Variants in BACH1 observed in about 807,000 individuals in gnomAD.
The protein encoded by BACH1 is transcription regulator protein BACH1.
A neutral mutation model predicts 52.9 loss-of-function variants in BACH1; 35 were observed. The ratio of observed to expected loss-of-function variants is 0.66; its 90% CI spans 0.51 to 0.88. BACH1 has a LOEUF of 0.88. BACH1 is among the 40% of genes least tolerant of loss of function. The pLI is 0.00. For missense variants in BACH1, 808 were observed against 872.6 expected (o/e 0.93, Z 0.93); for synonymous variants, 321 against 319.6 (o/e 1.00, Z -0.05).
intron 1 of BACH1, among the ~76,000 whole-genome samples, chr21:29,309,842 C>G (rs934242795): frequency 2.0e-5 from 3 of 152,194 alleles, no homozygotes; most frequent in African/African-American, 7.2e-5. Flanking sequence ...CCTAATAATT[C>G]TGTGTGTTTA....
chr21:29,339,514 G>C (rs1255916825), intron 4 of BACH1, among the ~76,000 whole-genome samples: 1 of 151,204 alleles, frequency 6.6e-6, no homozygotes, highest in African/African-American at 2.4e-5. Flanking sequence ...TTGTACTTTT[G>C]GTGCCAAATT....
rs2088926649 is a variant in BACH1, at chr21:29,327,401, G to A, written c.1569+8G>A. 1.9e-6 allele frequency: 3 copies of A among 1,606,610 alleles called. No homozygotes were observed. Among genetic ancestry groups the A allele is most frequent in the Non-Finnish European group, 2.6e-6 (3 of 1,176,134 alleles). On this transcript the variant is annotated splice_region_variant and intron_variant, in intron 3 of 4. Transcript: ENST00000286800. The stretch of plus-strand genomic sequence containing the variant: ...AGAGAACAAGAATGTGAGGTGAGCA[G>A]GAATATGTTCTTAATTCATTGTTTT...
At chr21:29,334,933 C>A (rs987615265) in intron 4 of BACH1, among the ~76,000 whole-genome samples, 1 of 152,276 alleles carries the variant, frequency 6.6e-6, no homozygotes, top group South Asian at 2.1e-4. Context: ...TCTGTCATTC[C>A]GTGTTGTCGT....
chr21:29,326,242 T>A lies in BACH1; in HGVS notation c.418T>A (p.Cys140Ser), dbSNP rs1191748939. 1 of 1,614,004 alleles carries A rather than the reference T, an allele frequency of 6.2e-7. No homozygotes were observed. Among genetic ancestry groups the A allele is most frequent in the East Asian group, 2.2e-5 (1 of 44,886 alleles). The change falls in exon 3 of 5, where the codon TGC becomes AGC. Residue 140 changes from cysteine to serine, a missense_variant. Physicochemically the swap from Cys to Ser is moderately radical, Grantham distance 112. Transcript: ENST00000286800. ...FLDSTADQQE[C>S]PRKKCFSSHC... ...GGACTCCACTGCAGACCAGCAAGAA[T>A]GCCCAAGAAAAAAATGCTTTTCATC...
intron 2 of BACH1, among the ~76,000 whole-genome samples, chr21:29,353,382 C>G (rs957267926): frequency 4.0e-5 from 6 of 151,580 alleles, no homozygotes; most frequent in African/African-American, 1.4e-4. Context: ...AATAAGCTTT[C>G]ATCGTCTTGT....
Position 29,345,992 on chromosome 21 carries a change from T to TTA in BACH1, c.*3160_*3161dup, listed in dbSNP as rs2089165231. ...ACCACTAAACTTTTGTGTCCATATT[T>TTA]TACTGAGACCATGTTTCATTAAAAG... On this transcript the variant is annotated 3_prime_UTR_variant, in exon 5 of 5. Transcript: ENST00000286800. 1 of 152,648 alleles carries TTA rather than the reference T, an allele frequency of 6.6e-6. No individual in the cohort carries two copies. The highest frequency in any genetic ancestry group is 2.1e-4 in the South Asian group (1 of 4,832). 9.5% of individuals were successfully genotyped at this position (152,648 alleles called of 1,614,324 possible). A position where few individuals can be genotyped will look rare whatever the true frequency, so the allele number is the denominator to read the frequency against.
intron 1 of BACH1, among the ~76,000 whole-genome samples, chr21:29,309,142 C>T (rs141379459): frequency 1.3e-5 from 2 of 151,824 alleles, no homozygotes; most frequent in African/African-American, 4.8e-5. Flanking sequence ...CCTGCAATCC[C>T]AGCTACTTGG....
intron 2 of BACH1, among the ~76,000 whole-genome samples, chr21:29,357,144 A>G (rs2123494041): frequency 6.6e-6 from 1 of 152,306 alleles, no homozygotes; most frequent in East Asian, 1.9e-4. Context: ...ATACACATTT[A>G]TTCTTCTTCC....
chr21:29,353,560 GT>G (rs1173268097), intron 2 of BACH1, among the ~76,000 whole-genome samples: 1 of 152,182 alleles, frequency 6.6e-6, no homozygotes, highest in Non-Finnish European at 1.5e-5. Context: ...GCCAAGAAGT[GT>G]TTTTGGAATT....
chr21:29,341,870 G>T (rs2089116860), intron 4 of BACH1, among the ~76,000 whole-genome samples: 3 of 152,188 alleles, frequency 2.0e-5, no homozygotes, highest in South Asian at 4.1e-4. Context: ...ATCTTGCAAT[G>T]CTTTGAGTCT....
intron 1 of BACH1, 139 bp from the exon 2 acceptor site, chr21:29,321,082 A>G (rs578048152): frequency 1.2e-4 from 68 of 554,494 alleles, no homozygotes; most frequent in African/African-American, 1.2e-3. Flanking sequence ...AGTATATTGA[A>G]TAAATGCCTC....
chr21:29,340,978 A>G (rs1169378299), intron 4 of BACH1, among the ~76,000 whole-genome samples: 1 of 152,040 alleles, frequency 6.6e-6, no homozygotes. Flanking sequence ...TTTAAAAAAA[A>G]AAAAAAAAAG....
At chr21:29,307,078 A>C (rs1041411326) in intron 1 of BACH1, among the ~76,000 whole-genome samples, 1 of 152,158 alleles carries the variant, frequency 6.6e-6, no homozygotes, top group Non-Finnish European at 1.5e-5. Flanking sequence ...TGTGGTCTCT[A>C]TGGCTTGCAC....
chr21:29,329,020 A>G (rs1009009657), intron 3 of BACH1, among the ~76,000 whole-genome samples: 3 of 151,764 alleles, frequency 2.0e-5, no homozygotes, highest in Non-Finnish European at 4.4e-5. Context: ...TATGGCGGGG[A>G]GTACAGACTG....
chr21:29,301,268 TTAATA>T (rs1340845301), intron 1 of BACH1, among the ~76,000 whole-genome samples: 2 of 152,126 alleles, frequency 1.3e-5, no homozygotes, highest in African/African-American at 2.4e-5. Context: ...TTTAAAAACT[TTAATA>T]TAAGAAAGAC....
At chr21:29,358,761 AAAG>A (rs1377657589) in intron 2 of BACH1, among the ~76,000 whole-genome samples, 2 of 104,184 alleles carry the variant, frequency 1.9e-5, no homozygotes, top group South Asian at 2.7e-4. Context: ...AAAGAAAAGA[AAAG>A]AAAAGAAAAG....
At chr21:29,348,529 G>A (rs951894002), downstream of BACH1, among the ~76,000 whole-genome samples, 4 of 152,040 alleles carry the variant, frequency 2.6e-5, no homozygotes, top group South Asian at 2.1e-4. Flanking sequence ...CTCACAACTC[G>A]TGATCCTAAT....
downstream of BACH1, among the ~76,000 whole-genome samples, chr21:29,347,594 T>A (rs947382547): frequency 2.6e-5 from 4 of 152,320 alleles, no homozygotes; most frequent in East Asian, 7.7e-4. Flanking sequence ...CTGTGACTGA[T>A]GGCCTGGAGG....
chr21:29,318,070 T>C (rs1222327683), intron 1 of BACH1, among the ~76,000 whole-genome samples: 1 of 151,998 alleles, frequency 6.6e-6, no homozygotes, highest in East Asian at 1.9e-4. Flanking sequence ...ATTGAGTGGA[T>C]CGCAACTGGG....
Sources: gnomAD v4.1 joint callset for allele counts (sites outside exome capture counted in the v4.1 genomes callset) on GRCh38, gnomAD v4.1.1 for gene constraint, MANE v1.5 for transcripts, NCBI Gene and HGNC (gene_info 2026-07-23, HGNC 2026-07-21) for gene names.